The following TNS3 variants were observed in gnomAD, a reference collection of about 807,000 sequenced individuals.
TNS3 encodes tensin-3.
In TNS3, 45 loss-of-function variants were observed where a neutral mutation model predicts 140.9. That is an observed-to-expected ratio of 0.32 (90% CI 0.25 to 0.41). The LOEUF (loss-of-function observed/expected upper bound fraction) is 0.41. Among genes scored for constraint, TNS3 ranks in the 10% least tolerant of loss-of-function variants. The pLI is 1.00. For synonymous variants in TNS3, 815 were observed against 788.4 expected, an observed-to-expected ratio of 1.03 and a Z score of -0.56; for missense variants, 1,716 against 1,906.7, an observed-to-expected ratio of 0.90 and a Z score of 1.86.
chr7:47,455,187 G>A (rs946138823), intron 4 of TNS3, among the ~76,000 whole-genome samples: 1 of 152,156 alleles, frequency 6.6e-6, no homozygotes, highest in African/African-American at 2.4e-5. Context: ...TAGGTCTCTG[G>A]CCCTGCAGCC....
intron 17 of TNS3, among the ~76,000 whole-genome samples, chr7:47,365,848 G>A (rs34424296): frequency 0.029 from 4,340 of 152,260 alleles, 116 homozygotes; most frequent in Middle Eastern, 0.092. Flanking sequence ...TGTGGCTTTC[G>A]AAAATTCCAG....
At chr7:47,559,163 A>G (rs1800271511) in intron 1 of TNS3, among the ~76,000 whole-genome samples, 1 of 152,184 alleles carries the variant, frequency 6.6e-6, no homozygotes, top group Non-Finnish European at 1.5e-5. Flanking sequence ...CAGTCTGGCC[A>G]ATATGGTGAA....
chr7:47,495,918 T>A (rs574506908), intron 3 of TNS3, among the ~76,000 whole-genome samples: 1 of 152,310 alleles, frequency 6.6e-6, no homozygotes, highest in East Asian at 1.9e-4. Flanking sequence ...AGGAGAGCAG[T>A]GGACGAAACC....
intron 26 of TNS3, among the ~76,000 whole-genome samples, chr7:47,292,418 T>C (rs756079815): frequency 5.3e-5 from 8 of 152,352 alleles, no homozygotes; most frequent in Non-Finnish European, 1.2e-4. Flanking sequence ...TCATTATGGA[T>C]ATTGTTTAAC....
chr7:47,503,028 G>T (rs1798283728), intron 3 of TNS3, among the ~76,000 whole-genome samples: 1 of 152,126 alleles, frequency 6.6e-6, no homozygotes, highest in African/African-American at 2.4e-5. Flanking sequence ...GATTAAAGGG[G>T]GAGCTGCGCA....
At chr7:47,496,827 G>A (rs1420177463) in intron 3 of TNS3, among the ~76,000 whole-genome samples, 1 of 152,328 alleles carries the variant, frequency 6.6e-6, no homozygotes, top group East Asian at 1.9e-4. Flanking sequence ...GCAGCGATGT[G>A]GGCCAGGACT....
intron 3 of TNS3, among the ~76,000 whole-genome samples, chr7:47,485,285 A>C (rs1041702714): frequency 6.6e-6 from 1 of 152,204 alleles, no homozygotes; most frequent in Admixed American, 6.5e-5. Flanking sequence ...TGTGGACTCG[A>C]ATCAGCTGGA....
At chr7:47,399,433 T>C (rs373891835) in intron 15 of TNS3, among the ~76,000 whole-genome samples, 26 of 152,270 alleles carry the variant, frequency 1.7e-4, no homozygotes, top group Non-Finnish European at 2.6e-4. Flanking sequence ...CTTCAAACTA[T>C]ACTAAAAGGC....
At chr7:47,393,605 C>T (rs910226771) in intron 16 of TNS3, among the ~76,000 whole-genome samples, 2 of 152,122 alleles carry the variant, frequency 1.3e-5, no homozygotes, top group African/African-American at 4.8e-5. Context: ...CAGATATCAT[C>T]GAGGCTGCAA....
intron 3 of TNS3, among the ~76,000 whole-genome samples, chr7:47,487,918 T>C (rs1399496047): frequency 6.6e-6 from 1 of 151,988 alleles, no homozygotes; most frequent in African/African-American, 2.4e-5. Context: ...CAGTCAGAGG[T>C]AACCTACCTC....
chr7:47,286,327 A>G (rs943902379), intron 27 of TNS3, among the ~76,000 whole-genome samples: 4 of 152,288 alleles, frequency 2.6e-5, no homozygotes, highest in Middle Eastern at 3.4e-3. Context: ...GAACTATGTC[A>G]TCATTCCTTA....
chr7:47,518,934 T>G (rs1472576519), intron 2 of TNS3, among the ~76,000 whole-genome samples: 2 of 152,206 alleles, frequency 1.3e-5, no homozygotes, highest in Non-Finnish European at 2.9e-5. Context: ...GAGGTGGACT[T>G]AATCTTCACA....
chr7:47,448,895 C>T (rs1413397668), intron 4 of TNS3, among the ~76,000 whole-genome samples: 1 of 152,152 alleles, frequency 6.6e-6, no homozygotes, highest in African/African-American at 2.4e-5. Flanking sequence ...GGTGTGAGTC[C>T]CACACCACCT....
chr7:47,574,088 AAGC>A (rs1359792497), intron 1 of TNS3, among the ~76,000 whole-genome samples: 5 of 152,170 alleles, frequency 3.3e-5, no homozygotes, highest in African/African-American at 9.7e-5. Context: ...TCCCTCAGAA[AAGC>A]AGCCGAGGAA....
In TNS3 at chr7:47,435,375, G is replaced by A. The variant is rs376895905; in HGVS notation, c.231C>T (p.His77=). The stretch of plus-strand genomic sequence containing the variant: ...TACACATCTTATCCAGGGGCGGTGC[G>A]TGGAGCTCTGGCCAGCCCACATCCA... ...KIMDVGWPEL[H]APPLDKMCTI... is the part of the protein sequence containing the mutation. Residue 77 remains histidine (H), a synonymous_variant, in exon 8 of 31, where the codon CAC becomes CAT. Coordinates refer to ENST00000311160, the MANE Select transcript of TNS3 (RefSeq NM_022748.12). The A allele has an allele frequency of 2.7e-5, 44 of 1,613,802 alleles. No homozygotes were observed. Among genetic ancestry groups the A allele is most frequent in the Non-Finnish European group, 3.6e-5 (42 of 1,180,008 alleles).
intron 17 of TNS3, among the ~76,000 whole-genome samples, chr7:47,358,942 C>A (rs920862861): frequency 2.6e-5 from 4 of 152,166 alleles, no homozygotes; most frequent in African/African-American, 7.2e-5. Context: ...AAATGAAACA[C>A]CCCAGAGACC....
At chr7:47,402,990 A>G (rs1044634771) in intron 13 of TNS3, among the ~76,000 whole-genome samples, 1 of 152,220 alleles carries the variant, frequency 6.6e-6, no homozygotes, top group Admixed American at 6.5e-5. Context: ...CTGTGGGCTC[A>G]GTCCTGGCAG....
chr7:47,421,676 G>A (rs908368958), intron 10 of TNS3, among the ~76,000 whole-genome samples: 11 of 152,192 alleles, frequency 7.2e-5, no homozygotes, highest in African/African-American at 2.7e-4. Context: ...AGCACCAACA[G>A]GAGGCCACAC....
chr7:47,519,491 G>T (rs545146867), intron 2 of TNS3, among the ~76,000 whole-genome samples: 1 of 152,136 alleles, frequency 6.6e-6, no homozygotes, highest in Non-Finnish European at 1.5e-5. Flanking sequence ...AGACCCCAGC[G>T]GTGGGGCCAC....
Sources: allele counts gnomAD v4.1 joint callset (sites outside exome capture counted in the v4.1 genomes callset), GRCh38; gene constraint gnomAD v4.1.1; transcripts MANE v1.5; gene names NCBI Gene and HGNC (gene_info 2026-07-23, HGNC 2026-07-21).